The following ROBO1 variants were observed in gnomAD, a reference collection of about 807,000 sequenced individuals.
ROBO1 encodes roundabout homolog 1.
In ROBO1, 149 loss-of-function variants were observed where a neutral mutation model predicts 195.9. The ratio of observed to expected loss-of-function variants is 0.76; its 90% CI spans 0.67 to 0.87. The LOEUF (loss-of-function observed/expected upper bound fraction) is 0.87. Among genes scored for constraint, ROBO1 ranks in the 40% least tolerant of loss-of-function variants. The pLI, the probability that ROBO1 is intolerant of heterozygous loss-of-function variation, is 0.00. For synonymous variants in ROBO1, 816 were observed against 733.2 expected (o/e 1.11, Z -1.82); for missense variants, 1,933 against 2,068.3 (o/e 0.93, Z 1.27).
chr3:78,783,455 C>CTT (rs2083741693), intron 4 of ROBO1, among the ~76,000 whole-genome samples: 1 of 152,094 alleles, frequency 6.6e-6, no homozygotes, highest in African/African-American at 2.4e-5. Context: ...AAGATGAATT[C>CTT]ACTATTAATA....
At chr3:79,765,841 C>T (rs1027753176) in intron 1 of ROBO1, among the ~76,000 whole-genome samples, 6 of 152,170 alleles carry the variant, frequency 3.9e-5, no homozygotes, top group Admixed American at 6.5e-5. Context: ...ACGCTCCTTC[C>T]TCTGTGCGCT....
chr3:79,233,231 C>T (rs551927797), intron 2 of ROBO1, among the ~76,000 whole-genome samples: 1 of 151,840 alleles, frequency 6.6e-6, no homozygotes, highest in Non-Finnish European at 1.5e-5. Flanking sequence ...AAAAGCATGG[C>T]TGAAATATGA....
At chr3:79,548,420 A>T (rs1389104643) in intron 2 of ROBO1, among the ~76,000 whole-genome samples, 1 of 152,204 alleles carries the variant, frequency 6.6e-6, no homozygotes, top group Non-Finnish European at 1.5e-5. Context: ...TTGTGAAGAG[A>T]AATCTACCAA....
chr3:79,766,145 C>T (rs1384635801), intron 1 of ROBO1, among the ~76,000 whole-genome samples: 1 of 151,934 alleles, frequency 6.6e-6, no homozygotes, highest in East Asian at 1.9e-4. Flanking sequence ...GGAAATCTGC[C>T]CCCTTTAGTG....
intron 16 of ROBO1, 59 bp from the exon 17 acceptor site, chr3:78,659,866 G>C: frequency 7.1e-7 from 1 of 1,400,944 alleles, no homozygotes; most frequent in South Asian, 1.4e-5. Flanking sequence ...CTGAAAGCAG[G>C]TAATTAATAT....
intron 2 of ROBO1, among the ~76,000 whole-genome samples, chr3:79,545,108 A>C (rs58082488): frequency 0.075 from 11,343 of 152,132 alleles, 468 homozygotes; most frequent in East Asian, 0.16. Context: ...AAAAAAGAAA[A>C]AAACAGTGTT....
At chr3:79,016,113 T>G (rs556970808) in intron 3 of ROBO1, among the ~76,000 whole-genome samples, 2 of 152,230 alleles carry the variant, frequency 1.3e-5, no homozygotes, top group Non-Finnish European at 2.9e-5. Flanking sequence ...TCATTCATTC[T>G]CTGACCAGGT....
At chr3:79,129,414 A>G (rs2080280857) in intron 2 of ROBO1, among the ~76,000 whole-genome samples, 1 of 152,106 alleles carries the variant, frequency 6.6e-6, no homozygotes, top group Non-Finnish European at 1.5e-5. Context: ...ACATACATAA[A>G]TTAGTAATTA....
intron 2 of ROBO1, among the ~76,000 whole-genome samples, chr3:79,361,668 A>G (rs972414676): frequency 2.0e-5 from 3 of 152,076 alleles, no homozygotes; most frequent in African/African-American, 2.4e-5. Flanking sequence ...TATAGAAAAG[A>G]GTAATATTCA....
chr3:78,942,328 C>A (rs2107707644), intron 3 of ROBO1, among the ~76,000 whole-genome samples: 1 of 151,930 alleles, frequency 6.6e-6, no homozygotes, highest in East Asian at 1.9e-4. Flanking sequence ...AACCTGAGAG[C>A]CAGAACTTAG....
At chr3:79,496,306 A>C (rs1371940527) in intron 2 of ROBO1, among the ~76,000 whole-genome samples, 1 of 148,856 alleles carries the variant, frequency 6.7e-6, no homozygotes, top group African/African-American at 2.5e-5. Flanking sequence ...TAAAAACGAT[A>C]GTTTATCTGG....
At chr3:78,711,415 C>CT (rs1406378518) in intron 8 of ROBO1, among the ~76,000 whole-genome samples, 1 of 87,874 alleles carries the variant, frequency 1.1e-5, no homozygotes, top group Non-Finnish European at 2.2e-5. Context: ...TTCTTTCTTT[C>CT]TTTCTTTCTT....
At chr3:78,947,331 C>T (rs1374568478) in intron 3 of ROBO1, among the ~76,000 whole-genome samples, 1 of 152,186 alleles carries the variant, frequency 6.6e-6, no homozygotes, top group East Asian at 1.9e-4. Context: ...GTCTCTCAGA[C>T]CACAGTGCAA....
chr3:79,199,678 C>A (rs9845808), intron 2 of ROBO1, among the ~76,000 whole-genome samples: 2 of 151,616 alleles, frequency 1.3e-5, no homozygotes, highest in African/African-American at 2.4e-5. Flanking sequence ...TTCCATGAGA[C>A]ACATATTTTT....
At chr3:79,496,387 C>CCTTTTTTTTTTTTTTTT (rs145186389) in intron 2 of ROBO1, among the ~76,000 whole-genome samples, 1 of 112,786 alleles carries the variant, frequency 8.9e-6, no homozygotes, top group African/African-American at 3.5e-5. Flanking sequence ...GCGCACCCAT[C>CCTTTTTTTTTTTTTTTT]TTTTTTTGAG....
At chr3:79,459,924 T>C (rs531017158) in intron 2 of ROBO1, among the ~76,000 whole-genome samples, 100 of 152,262 alleles carry the variant, frequency 6.6e-4, no homozygotes, top group Middle Eastern at 3.4e-3. Context: ...CAAATATAAA[T>C]ACCTGAAGTT....
At position 78,688,859 on chromosome 3, in the gene ROBO1, T is replaced by G. The variant is rs934529892; in HGVS notation, c.1046-87A>C. On this transcript the variant is annotated intron_variant, in intron 8 of 30. Transcript: ENST00000464233. ...CAATCTCTTATATTCTAAGTGCTGC[T>G]GTTATTTTATACAACATGTTATGTA... is the stretch of plus-strand genomic sequence containing the variant. 3.9e-6 allele frequency: 5 copies of G among 1,293,060 alleles called. No homozygotes were observed. The African/African-American group carries it at 7.5e-5, about 19-fold the overall frequency. The allele number at this position is 1,293,060 out of a possible 1,614,324, so 80.1% of individuals were successfully genotyped here.
chr3:79,065,487 C>T lies in ROBO1; in HGVS notation c.172+59969G>A, dbSNP rs573338064. On this transcript the variant is annotated intron_variant, in intron 3 of 30. Transcript: ENST00000464233. The stretch of plus-strand genomic sequence containing the variant: ...AGGAAATGAGGACTTCTTGGAAAAG[C>T]GGTGGAGTTTAGGGCACAAAATGTA... 5.3e-5 allele frequency among the ~76,000 whole-genome samples: 8 copies of T among 151,922 alleles called. No homozygotes were observed. In the South Asian group the frequency reaches 8.3e-4, roughly 16 times the overall value.
intron 2 of ROBO1, among the ~76,000 whole-genome samples, chr3:79,160,873 A>T (rs1412223403): frequency 6.6e-6 from 1 of 151,990 alleles, no homozygotes; most frequent in African/African-American, 2.4e-5. Flanking sequence ...CCCCAACCTC[A>T]AGTAGGTAAT....
Sources: gnomAD v4.1 joint callset for allele counts (sites outside exome capture counted in the v4.1 genomes callset) on GRCh38, gnomAD v4.1.1 for gene constraint, MANE v1.5 for transcripts, NCBI Gene and HGNC (gene_info 2026-07-23, HGNC 2026-07-21) for gene names.